KLF12: variants seen among roughly 807,000 people sequenced by gnomAD.
KLF12 encodes KLF transcription factor 12.
KLF12 carries 9 observed loss-of-function variants against 37.8 expected under a neutral mutation model. That is an observed-to-expected ratio of 0.24 (90% confidence interval 0.14 to 0.42). KLF12 has a LOEUF of 0.42. KLF12 is among the 10% of genes least tolerant of loss of function. The probability of loss-of-function intolerance (pLI) is 1.00; values close to 1 mark genes in which losing one functional copy is unlikely to be tolerated. For synonymous variants in KLF12, 208 were observed against 202.1 expected (o/e 1.03, Z -0.25); for missense variants, 411 against 516.0 (o/e 0.80, Z 1.97).
At chr13:74,273,338 T>C in the KLF12 span, among the ~76,000 whole-genome samples, 1 of 152,144 alleles carries the variant, frequency 6.6e-6, no homozygotes, top group African/African-American at 2.4e-5. Context: ...TTTATATTCT[T>C]TTCTCCTTGG....
At chr13:74,133,719 G>A (rs61286973) in intron 1 of KLF12, among the ~76,000 whole-genome samples, 6 of 150,060 alleles carry the variant, frequency 4.0e-5, no homozygotes, top group South Asian at 2.1e-4. Context: ...ATTTTGATAA[G>A]AAACGGAATC....
At chr13:73,731,950 C>T (rs932764560) in intron 6 of KLF12, among the ~76,000 whole-genome samples, 6 of 152,060 alleles carry the variant, frequency 3.9e-5, no homozygotes, top group African/African-American at 1.4e-4. Context: ...AAAACAATAG[C>T]ATCTATACTT....
intron 6 of KLF12, among the ~76,000 whole-genome samples, chr13:73,733,354 C>A (rs913378519): frequency 6.6e-6 from 1 of 152,080 alleles, no homozygotes; most frequent in Admixed American, 6.5e-5. Context: ...TATTTTTTGT[C>A]TCTATGAATT....
the KLF12 span, among the ~76,000 whole-genome samples, chr13:74,152,635 C>A: frequency 2.0e-5 from 3 of 152,154 alleles, no homozygotes; most frequent in East Asian, 1.9e-4. Flanking sequence ...GTAATTGCAG[C>A]ATTTTAGGAG....
chr13:73,993,000 G>A (rs1246107791), intron 2 of KLF12, among the ~76,000 whole-genome samples: 3 of 152,182 alleles, frequency 2.0e-5, no homozygotes, highest in Admixed American at 1.3e-4. Flanking sequence ...GGGAGGCCAA[G>A]GTGGGAGGAT....
At chr13:74,081,212 G>A (rs773852422) in intron 1 of KLF12, among the ~76,000 whole-genome samples, 1 of 152,136 alleles carries the variant, frequency 6.6e-6, no homozygotes. Context: ...TACTGACTTT[G>A]ATTACATTAC....
At chr13:74,201,480 G>A in the KLF12 span, among the ~76,000 whole-genome samples, 1 of 152,136 alleles carries the variant, frequency 6.6e-6, no homozygotes, top group Non-Finnish European at 1.5e-5. Context: ...TTAAGCAAAT[G>A]TAAAATTCAT....
At chr13:73,885,248 TCC>T (rs1198754183) in intron 3 of KLF12, among the ~76,000 whole-genome samples, 1 of 151,986 alleles carries the variant, frequency 6.6e-6, no homozygotes, top group Admixed American at 6.6e-5. Flanking sequence ...CTTACAATCT[TCC>T]CCCTGTCATT....
intron 2 of KLF12, among the ~76,000 whole-genome samples, chr13:73,955,302 G>T (rs557530776): frequency 1.6e-4 from 24 of 152,230 alleles, no homozygotes; most frequent in African/African-American, 5.5e-4. Context: ...ACTAAGTTTT[G>T]TGTGTTATAT....
chr13:74,122,652 G>A (rs1877698155), intron 1 of KLF12, among the ~76,000 whole-genome samples: 1 of 151,964 alleles, frequency 6.6e-6, no homozygotes, highest in African/African-American at 2.4e-5. Context: ...TAATAAATGA[G>A]TGAGTAGACT....
chr13:73,815,741 A>G (rs550257086), intron 4 of KLF12, among the ~76,000 whole-genome samples: 1 of 152,318 alleles, frequency 6.6e-6, no homozygotes, highest in Non-Finnish European at 1.5e-5. Flanking sequence ...AAAAGAAAAT[A>G]TTCTGATAGT....
chr13:73,790,661 T>C (rs1881633745), intron 5 of KLF12, among the ~76,000 whole-genome samples: 1 of 152,244 alleles, frequency 6.6e-6, no homozygotes, highest in Non-Finnish European at 1.5e-5. Context: ...AGCATTTTCT[T>C]AGAAAGCCAC....
intron 7 of KLF12, among the ~76,000 whole-genome samples, chr13:73,714,752 G>A (rs1875669071): frequency 2.6e-5 from 4 of 152,142 alleles, no homozygotes; most frequent in African/African-American, 9.7e-5. Flanking sequence ...AGAGTCACCA[G>A]TTCATTTCCT....
the KLF12 span, among the ~76,000 whole-genome samples, chr13:74,277,835 G>A: frequency 6.6e-6 from 1 of 152,150 alleles, no homozygotes; most frequent in Non-Finnish European, 1.5e-5. Context: ...TCCCATAGGT[G>A]CTCAGACACA....
chr13:73,726,104 C>T (rs559365960), intron 6 of KLF12, among the ~76,000 whole-genome samples: 10 of 152,056 alleles, frequency 6.6e-5, no homozygotes, highest in East Asian at 3.9e-4. Context: ...CCGCCCGCCT[C>T]GGCCTCCCAA....
At chr13:74,154,618 G>A in the KLF12 span, among the ~76,000 whole-genome samples, 1 of 150,842 alleles carries the variant, frequency 6.6e-6, no homozygotes, top group Admixed American at 6.7e-5. Flanking sequence ...GGGTGGGCAA[G>A]TGTCTTTGCT....
the KLF12 span, among the ~76,000 whole-genome samples, chr13:74,269,550 T>TA: frequency 1.4e-4 from 22 of 151,938 alleles, no homozygotes; most frequent in Admixed American, 4.6e-4. Flanking sequence ...GTTGCAAGAG[T>TA]AAAAAAAATG....
At chr13:73,743,052 T>C (rs1348085941) in intron 6 of KLF12, among the ~76,000 whole-genome samples, 1 of 151,644 alleles carries the variant, frequency 6.6e-6, no homozygotes, top group Non-Finnish European at 1.5e-5. Flanking sequence ...TTTAGTCTCA[T>C]CCCTTTCGTA....
chr13:73,811,256 T>C (rs1357152791), intron 5 of KLF12, among the ~76,000 whole-genome samples: 2 of 151,962 alleles, frequency 1.3e-5, no homozygotes, highest in East Asian at 3.9e-4. Flanking sequence ...AGTGCTAGGA[T>C]TACAGGCGTG....
Sources: allele counts gnomAD v4.1 joint callset (sites outside exome capture counted in the v4.1 genomes callset), GRCh38; gene constraint gnomAD v4.1.1; transcripts MANE v1.5; gene names NCBI Gene and HGNC (gene_info 2026-07-23, HGNC 2026-07-21).